The following PCDH15 variants were observed in gnomAD, a reference collection of about 807,000 sequenced individuals.
PCDH15 encodes the protein protocadherin related 15.
Under a neutral mutation model 178.5 loss-of-function variants are expected in PCDH15, and 129 were observed. That is an observed-to-expected ratio of 0.72 (90% CI 0.63 to 0.84). PCDH15 has a LOEUF of 0.84. Among genes scored for constraint, PCDH15 ranks in the 40% least tolerant of loss-of-function variants. The pLI, the probability that PCDH15 is intolerant of heterozygous loss-of-function variation, is 0.00. For missense variants in PCDH15, 2,230 were observed against 2,099.9 expected, an observed-to-expected ratio of 1.06 and a Z score of -1.21; for synonymous variants, 800 against 732.0, an observed-to-expected ratio of 1.09 and a Z score of -1.50.
intron 5 of PCDH15, among the ~76,000 whole-genome samples, chr10:54,359,204 T>G (rs1945573014): frequency 6.6e-6 from 1 of 151,952 alleles, no homozygotes; most frequent in East Asian, 1.9e-4. Flanking sequence ...TGAATAAATT[T>G]GGTTCTCTAT....
chr10:54,220,811 C>A (rs1053549512), intron 9 of PCDH15, among the ~76,000 whole-genome samples: 4 of 149,222 alleles, frequency 2.7e-5, no homozygotes, highest in African/African-American at 7.5e-5. Context: ...GGCGACAGAG[C>A]GAGACTCCGT....
intron 3 of PCDH15, among the ~76,000 whole-genome samples, chr10:54,489,456 G>T (rs768075257): frequency 4.6e-5 from 7 of 152,098 alleles, no homozygotes; most frequent in Non-Finnish European, 1.0e-4. Context: ...TGTTGGATAT[G>T]CTCCTCATTT....
chr10:55,239,375 A>G (rs1841482661), intron 1 of PCDH15, among the ~76,000 whole-genome samples: 1 of 152,126 alleles, frequency 6.6e-6, no homozygotes, highest in Non-Finnish European at 1.5e-5. Context: ...ATAATAGAGA[A>G]CCCAGAAATA....
chr10:54,578,003 G>C (rs988047962), intron 2 of PCDH15, among the ~76,000 whole-genome samples: 1 of 152,106 alleles, frequency 6.6e-6, no homozygotes, highest in African/African-American at 2.4e-5. Context: ...GGATTAAATT[G>C]TATAACATTG....
intron 1 of PCDH15, among the ~76,000 whole-genome samples, chr10:54,747,267 C>G (rs1945593787): frequency 6.6e-6 from 1 of 152,178 alleles, no homozygotes; most frequent in South Asian, 2.1e-4. Flanking sequence ...AGCCACTGGT[C>G]AACTTTGCAA....
chr10:54,766,999 T>G (rs1591526986), intron 1 of PCDH15, among the ~76,000 whole-genome samples: 1 of 152,078 alleles, frequency 6.6e-6, no homozygotes, highest in Non-Finnish European at 1.5e-5. Context: ...TCCCACTGAA[T>G]ACACAATCAT....
intron 3 of PCDH15, among the ~76,000 whole-genome samples, chr10:54,413,848 T>C (rs1953927331): frequency 6.6e-6 from 1 of 152,086 alleles, no homozygotes; most frequent in Non-Finnish European, 1.5e-5. Context: ...ATTGCAATAA[T>C]AGACATTGGA....
chr10:54,024,688 A>T (rs2093029423), intron 18 of PCDH15, among the ~76,000 whole-genome samples: 1 of 152,182 alleles, frequency 6.6e-6, no homozygotes, highest in Admixed American at 6.5e-5. Context: ...TTGCAGAAAT[A>T]CCTGAAGAGA....
At chr10:55,625,705 G>A (rs575977371) in intron 2 of PCDH15, among the ~76,000 whole-genome samples, 25 of 152,128 alleles carry the variant, frequency 1.6e-4, no homozygotes, top group Non-Finnish European at 3.5e-4. Context: ...TCTGCCCTTT[G>A]AGATAAACCT....
At position 55,340,570 on chromosome 10, in the gene PCDH15, G is replaced by T. The variant is rs529057721; in HGVS notation, c.-155-173919C>A. Reference sequence around the variant, plus strand: ...AGAATTTTTTTAATTATGGAAATCAGCAATATAATATATTCGTGTACAACA... The same window carrying T: ...AGAATTTTTTTAATTATGGAAATCATCAATATAATATATTCGTGTACAACA... On this transcript the variant is annotated intron_variant, in intron 2 of 5. Coordinates refer to the PCDH15 transcript ENST00000613346. Among the ~76,000 whole-genome samples, 3 of 151,926 alleles carry T rather than the reference G, an allele frequency of 2.0e-5. No individual in the cohort carries two copies. The East Asian group carries it at 5.8e-4, about 29-fold the overall frequency.
intron 2 of PCDH15, among the ~76,000 whole-genome samples, chr10:55,500,333 A>G (rs927127688): frequency 3.3e-5 from 5 of 150,826 alleles, no homozygotes; most frequent in African/African-American, 1.2e-4. Context: ...CAATTACATG[A>G]AACAGTATAT....
intron 2 of PCDH15, among the ~76,000 whole-genome samples, chr10:55,032,388 T>C (rs138362826): frequency 1.1e-3 from 173 of 152,312 alleles, no homozygotes; most frequent in African/African-American, 3.9e-3. Context: ...ATTTGTTAAC[T>C]GATTATGGTA....
rs546270853 is a variant in PCDH15, at chr10:54,946,500, G to A, written c.-79-49000C>T. On this transcript the variant is annotated intron_variant, in intron 2 of 5. Coordinates refer to the PCDH15 transcript ENST00000458638. ...ACCCTAACGTTTTATTTTTACATTT[G>A]TTACGCAAAAACATACACAATGTCT... Among the ~76,000 whole-genome samples the A allele has an allele frequency of 6.6e-5, 10 of 151,752 alleles. No individual in the cohort carries two copies. In the South Asian group the frequency reaches 2.1e-3, roughly 31 times the overall value.
intron 20 of PCDH15, among the ~76,000 whole-genome samples, chr10:54,008,682 T>C (rs1034351214): frequency 1.3e-5 from 2 of 150,986 alleles, no homozygotes; most frequent in African/African-American, 4.9e-5. Context: ...TATTTTTCGA[T>C]CTGGGAAGAA....
intron 1 of PCDH15, among the ~76,000 whole-genome samples, chr10:55,310,692 TA>T (rs1395663597): frequency 6.6e-6 from 1 of 152,160 alleles, no homozygotes; most frequent in Non-Finnish European, 1.5e-5. Context: ...TATGCAGCTG[TA>T]AAAAAGAATG....
In PCDH15 at chr10:55,210,618, CTTTTTTTTTTTT is replaced by C. The variant is rs11412877; in HGVS notation, c.-155-43979_-155-43968del. On this transcript the variant is annotated intron_variant, in intron 1 of 5. Transcript: ENST00000458638. Reference sequence around the variant, plus strand: ...ACGATTTTTTTTTCTTTTTTCTTTTCTTTTTTTTTTTTTTTTTTTTTTTTTTTTTTTGACGGA... The same window carrying C: ...ACGATTTTTTTTTCTTTTTTCTTTTCTTTTTTTTTTTTTTTTTTTGACGGA... Among the ~76,000 whole-genome samples, 113 of 40,352 alleles carry C rather than the reference CTTTTTTTTTTTT, an allele frequency of 2.8e-3. No individual in the cohort carries two copies. The South Asian group carries it at 0.053, about 19-fold the overall frequency. 26.5% of individuals were successfully genotyped at this position (40,352 alleles called of 152,430 possible).
intron 2 of PCDH15, among the ~76,000 whole-genome samples, chr10:55,078,784 C>A (rs1276928573): frequency 1.3e-5 from 2 of 151,804 alleles, no homozygotes; most frequent in African/African-American, 4.8e-5. Flanking sequence ...CCTTCCCAAA[C>A]CCCCCGTGGA....
At chr10:55,391,679 G>A (rs1351379260) in intron 2 of PCDH15, among the ~76,000 whole-genome samples, 6 of 152,066 alleles carry the variant, frequency 3.9e-5, no homozygotes, top group Admixed American at 1.3e-4. Flanking sequence ...GTAGAGACAA[G>A]GTTTCAACAT....
chr10:55,056,986 T>C (rs1368432303), intron 2 of PCDH15, among the ~76,000 whole-genome samples: 2 of 152,172 alleles, frequency 1.3e-5, no homozygotes, highest in Non-Finnish European at 2.9e-5. Context: ...TTATCATTAT[T>C]GTTCAGCATA....
Sources: gnomAD v4.1 joint callset for allele counts (sites outside exome capture counted in the v4.1 genomes callset) on GRCh38, gnomAD v4.1.1 for gene constraint, MANE v1.5 for transcripts, NCBI Gene and HGNC (gene_info 2026-07-23, HGNC 2026-07-21) for gene names.